NAA11: variants seen among roughly 807,000 people sequenced by gnomAD.
NAA11 encodes N-alpha-acetyltransferase 11.
NAA11 carries 15 observed loss-of-function variants against 16.1 expected under a neutral mutation model. That is an observed-to-expected ratio of 0.93 (90% CI 0.62 to 1.44). The LOEUF (loss-of-function observed/expected upper bound fraction) is 1.44. NAA11 is among the 40% of genes most tolerant of loss of function. The probability of loss-of-function intolerance (pLI) is 0.00; values close to 1 mark genes in which losing one functional copy is unlikely to be tolerated. For synonymous variants in NAA11, 122 were observed against 112.4 expected, an observed-to-expected ratio of 1.09 and a Z score of -0.54; for missense variants, 298 against 291.3, an observed-to-expected ratio of 1.02 and a Z score of -0.17.
At position 79,325,269 on chromosome 4, in the gene NAA11, G is replaced by A; in HGVS notation, c.609C>T (p.Gly203=). 1 of 1,613,716 alleles carries A rather than the reference G, an allele frequency of 6.2e-7. No individual in the cohort carries two copies. Among genetic ancestry groups the A allele is most frequent in the Non-Finnish European group, 8.5e-7 (1 of 1,179,792 alleles). ...QQKNPATEES[G]SDSKEPKESV... ...ACTCCTTAGGTTCTTTGCTGTCACT[G>A]CCACTTTCTTCGGTAGCCGGGTTCT... The change falls in exon 1 of 2, where the codon GGC becomes GGT. Residue 203 remains glycine (G), a synonymous_variant. Transcript: ENST00000286794.
chr4:79,251,175 C>T (rs773703328), intron 2 of NAA11, among the ~76,000 whole-genome samples: 1 of 152,146 alleles, frequency 6.6e-6, no homozygotes, highest in East Asian at 1.9e-4. Flanking sequence ...CGCATGTACC[C>T]TTATGTTCAC....
chr4:79,226,754 G>T (rs1721325452), intron 2 of NAA11, among the ~76,000 whole-genome samples: 1 of 151,956 alleles, frequency 6.6e-6, no homozygotes, highest in Admixed American at 6.6e-5. Context: ...CAAAGGACAT[G>T]AATTCATCCT....
At chr4:79,196,383 T>C in the NAA11 span, among the ~76,000 whole-genome samples, 1 of 152,046 alleles carries the variant, frequency 6.6e-6, no homozygotes. Flanking sequence ...TTTAGGCTAA[T>C]GAATTAGGCT....
At chr4:79,176,411 T>G in the NAA11 span, among the ~76,000 whole-genome samples, 3 of 152,122 alleles carry the variant, frequency 2.0e-5, no homozygotes, top group African/African-American at 7.2e-5. Context: ...TGTGGAGGCT[T>G]GGTGAATCCA....
chr4:79,300,349 C>A (rs1261406223), intron 1 of NAA11, among the ~76,000 whole-genome samples: 2 of 152,156 alleles, frequency 1.3e-5, no homozygotes, highest in Admixed American at 1.3e-4. Context: ...AAAGTCCCAA[C>A]TTCTGACATT....
intron 1 of NAA11, among the ~76,000 whole-genome samples, chr4:79,323,249 C>T (rs13435863): frequency 0.41 from 62,946 of 151,998 alleles, 14,300 homozygotes; most frequent in East Asian, 0.77. Flanking sequence ...AGTAGCTCAC[C>T]GACCCTTGAA....
chr4:79,210,593 T>A, the NAA11 span, among the ~76,000 whole-genome samples: 3 of 151,866 alleles, frequency 2.0e-5, no homozygotes, highest in Non-Finnish European at 4.4e-5. Flanking sequence ...AAAAATAAAT[T>A]TAAAAGGAGG....
intron 1 of NAA11, among the ~76,000 whole-genome samples, chr4:79,319,275 G>C (rs1033186285): frequency 2.0e-5 from 3 of 151,960 alleles, no homozygotes; most frequent in Admixed American, 6.6e-5. Flanking sequence ...TACATTATCA[G>C]GTTTTCTTAA....
chr4:79,312,488 TA>T (rs1462411894), downstream of NAA11, among the ~76,000 whole-genome samples: 1 of 151,806 alleles, frequency 6.6e-6, no homozygotes, highest in Non-Finnish European at 1.5e-5. Flanking sequence ...CCATCTCTAC[TA>T]AAAATACAAA....
At chr4:79,159,054 A>G in the NAA11 span, among the ~76,000 whole-genome samples, 5 of 152,166 alleles carry the variant, frequency 3.3e-5, no homozygotes, top group Non-Finnish European at 7.4e-5. Flanking sequence ...AAGAACCCAA[A>G]AGCAAATGCA....
intron 2 of NAA11, among the ~76,000 whole-genome samples, chr4:79,248,300 C>T (rs1360292586): frequency 6.6e-6 from 1 of 152,130 alleles, no homozygotes; most frequent in African/African-American, 2.4e-5. Flanking sequence ...GCAACCTCCC[C>T]CATACTGCTT....
chr4:79,325,762 G>A lies in NAA11; in HGVS notation c.116C>T (p.Pro39Leu), dbSNP rs1475502851. Residue 39 changes from proline (P) to leucine (L), a missense_variant, in exon 1 of 2, where the codon CCC becomes CTC. Coordinates refer to ENST00000286794, the MANE Select transcript of NAA11 (RefSeq NM_032693.3). Reference sequence around the variant, plus strand: ...ATCCTCAGCGATGTAAGAAAGCTGGGGCCAGGAAAGGCCATGATATAAATA... The same window carrying A: ...ATCCTCAGCGATGTAAGAAAGCTGGAGCCAGGAAAGGCCATGATATAAATA... ...KYYLYHGLSW[P>L]QLSYIAEDED... 5.6e-6 allele frequency: 9 copies of A among 1,614,036 alleles called. No individual in the cohort carries two copies. Among genetic ancestry groups the A allele is most frequent in the Non-Finnish European group, 7.6e-6 (9 of 1,180,022 alleles).
the NAA11 span, among the ~76,000 whole-genome samples, chr4:79,168,137 T>C: frequency 6.6e-6 from 1 of 152,170 alleles, no homozygotes; most frequent in African/African-American, 2.4e-5. Flanking sequence ...TTTCTGTTCC[T>C]GTGTTAGTTT....
At chr4:79,192,198 G>GT in the NAA11 span, among the ~76,000 whole-genome samples, 2 of 151,706 alleles carry the variant, frequency 1.3e-5, no homozygotes, top group East Asian at 3.9e-4. Flanking sequence ...TTTCAAAATT[G>GT]TTTTTTTCTA....
chr4:79,313,628 G>A (rs1471472569), downstream of NAA11, among the ~76,000 whole-genome samples: 3 of 152,030 alleles, frequency 2.0e-5, no homozygotes, highest in Non-Finnish European at 2.9e-5. Context: ...TAATTCCCAC[G>A]CCCTAATAAG....
At chr4:79,211,512 T>A in the NAA11 span, among the ~76,000 whole-genome samples, 6 of 152,224 alleles carry the variant, frequency 3.9e-5, no homozygotes, top group Non-Finnish European at 8.8e-5. Flanking sequence ...AGTCTATGTA[T>A]GTCTATATGT....
the NAA11 span, among the ~76,000 whole-genome samples, chr4:79,165,617 G>A: frequency 1.4e-3 from 219 of 152,258 alleles, no homozygotes; most frequent in Non-Finnish European, 2.4e-3. Flanking sequence ...GCTAGGGGAG[G>A]GTGGAGAAGC....
downstream of NAA11, among the ~76,000 whole-genome samples, chr4:79,222,871 G>A (rs1340558763): frequency 6.6e-6 from 1 of 152,040 alleles, no homozygotes; most frequent in Admixed American, 6.6e-5. Flanking sequence ...AGACATCTAT[G>A]CAGCCAAAAG....
chr4:79,265,528 A>T (rs1326025679), intron 2 of NAA11, among the ~76,000 whole-genome samples: 1 of 152,058 alleles, frequency 6.6e-6, no homozygotes, highest in Non-Finnish European at 1.5e-5. Context: ...GCTTACACCT[A>T]TGGGGTATCT....
Sources: allele counts gnomAD v4.1 joint callset (sites outside exome capture counted in the v4.1 genomes callset), GRCh38; gene constraint gnomAD v4.1.1; transcripts MANE v1.5; gene names NCBI Gene and HGNC (gene_info 2026-07-23, HGNC 2026-07-21).